Variants in NUP153 observed in about 807,000 individuals in gnomAD.
The protein encoded by NUP153 is nuclear pore complex protein Nup153.
A neutral mutation model predicts 134.6 loss-of-function variants in NUP153; 27 were observed. That is an observed-to-expected ratio of 0.20 (90% CI 0.15 to 0.28). NUP153 has a LOEUF of 0.28. Ranked by LOEUF, NUP153 falls within the 10% of genes least tolerant of loss-of-function variation. The probability of loss-of-function intolerance (pLI) is 1.00; values close to 1 mark genes in which losing one functional copy is unlikely to be tolerated. For missense variants in NUP153, 1,821 were observed against 1,731.3 expected (o/e 1.05, Z -0.92); for synonymous variants, 640 against 623.5 (o/e 1.03, Z -0.40).
At chr6:17,673,427 G>T (rs1373008165) in intron 5 of NUP153, among the ~76,000 whole-genome samples, 7 of 151,952 alleles carry the variant, frequency 4.6e-5, no homozygotes, top group African/African-American at 1.7e-4. Flanking sequence ...GAAAATATTC[G>T]CAAAACATAT....
chr6:17,624,755 A>G lies in NUP153; in HGVS notation c.3980T>C (p.Phe1327Ser), dbSNP rs1400502553. Residue 1327 changes from phenylalanine (F) to serine (S), a missense_variant, in exon 20 of 22, where the codon TTT becomes TCT. Physicochemically the swap from Phe to Ser is radical, Grantham distance 155 (BLOSUM62 -2). Transcript: ENST00000262077. Reference protein sequence around the residue: ...PAFGANQTPTFGQSQGASQPN... With the variant: ...PAFGANQTPTSGQSQGASQPN... Reference sequence around the variant, plus strand: ...CTGGCTGGCACCTTGACTTTGTCCAAATGTTGGGGTCTGGTTAGCACCAAA... The same window carrying G: ...CTGGCTGGCACCTTGACTTTGTCCAGATGTTGGGGTCTGGTTAGCACCAAA... 2 of 1,614,128 alleles carry G rather than the reference A, an allele frequency of 1.2e-6. No individual in the cohort carries two copies. Among genetic ancestry groups the G allele is most frequent in the South Asian group, 1.1e-5 (1 of 91,080 alleles).
At chr6:17,700,159 G>T (rs1769956249) in intron 1 of NUP153, among the ~76,000 whole-genome samples, 1 of 152,002 alleles carries the variant, frequency 6.6e-6, no homozygotes. Context: ...ACTAATTTGA[G>T]TAATAATAAA....
intron 11 of NUP153, among the ~76,000 whole-genome samples, chr6:17,659,036 G>A (rs1252732633): frequency 6.6e-6 from 1 of 152,134 alleles, no homozygotes; most frequent in Admixed American, 6.5e-5. Flanking sequence ...TTGGTCAACC[G>A]AAAGGGCCTA....
At chr6:17,665,850 A>G (rs771381948) in intron 8 of NUP153, among the ~76,000 whole-genome samples, 4 of 151,684 alleles carry the variant, frequency 2.6e-5, no homozygotes, top group African/African-American at 4.8e-5. Flanking sequence ...ACACCCGGCT[A>G]ATTTTTTTGG....
At chr6:17,663,330 C>T (rs760820564) in intron 9 of NUP153, among the ~76,000 whole-genome samples, 2 of 151,974 alleles carry the variant, frequency 1.3e-5, no homozygotes, top group Non-Finnish European at 2.9e-5. Flanking sequence ...GGTGCTATCA[C>T]AGTTCACTTT....
Position 17,629,121 on chromosome 6 carries a change from T to C in NUP153, c.3078A>G (p.Thr1026=), listed in dbSNP as rs1765098397. ...GAGCAGGGGTGGAGTTAATAACACC[T>C]GTACCAAAGCTAAAACCTGCAGAGG... ...KSSSAGFSFG[T]GVINSTPAPA... The change falls in exon 18 of 22, where the codon ACA becomes ACG. Residue 1026 remains threonine, a synonymous_variant. Transcript: ENST00000262077. 3 of 1,614,000 alleles carry C rather than the reference T, an allele frequency of 1.9e-6. No individual in the cohort carries two copies. Among genetic ancestry groups the C allele is most frequent in the East Asian group, 2.2e-5 (1 of 44,890 alleles).
intron 1 of NUP153, among the ~76,000 whole-genome samples, chr6:17,689,866 T>C (rs1769174285): frequency 6.6e-6 from 1 of 152,160 alleles, no homozygotes; most frequent in South Asian, 2.1e-4. Context: ...AGTAATGTGG[T>C]ATAATAGCTT....
chr6:17,667,510 C>A (rs1414681220), intron 8 of NUP153, among the ~76,000 whole-genome samples: 1 of 152,226 alleles, frequency 6.6e-6, no homozygotes, highest in Admixed American at 6.5e-5. Flanking sequence ...GTCAAGAGAT[C>A]AAGGCTACCC....
intron 2 of NUP153, among the ~76,000 whole-genome samples, chr6:17,681,957 A>G (rs1053128088): frequency 1.3e-5 from 2 of 152,080 alleles, no homozygotes; most frequent in Non-Finnish European, 2.9e-5. Context: ...CTATAATCCC[A>G]GCACTTTTAG....
chr6:17,684,854 T>G (rs1466604565), intron 2 of NUP153, among the ~76,000 whole-genome samples: 1 of 152,212 alleles, frequency 6.6e-6, no homozygotes, highest in African/African-American at 2.4e-5. Flanking sequence ...GAATAGCCAG[T>G]TGGTGGAGCA....
chr6:17,617,486 A>G (rs1031275069), intron 20 of NUP153, among the ~76,000 whole-genome samples: 92 of 149,672 alleles, frequency 6.1e-4, no homozygotes, highest in African/African-American at 2.1e-3. Flanking sequence ...AAAAAAAAAA[A>G]GGATGGCAGA....
At chr6:17,690,279 G>A (rs942652103) in intron 1 of NUP153, among the ~76,000 whole-genome samples, 1 of 152,210 alleles carries the variant, frequency 6.6e-6, no homozygotes, top group South Asian at 2.1e-4. Flanking sequence ...GTGAACCCGG[G>A]TGGCGTAGCT....
intron 11 of NUP153, among the ~76,000 whole-genome samples, chr6:17,659,217 C>T (rs74698967): frequency 2.0e-5 from 3 of 152,364 alleles, no homozygotes; most frequent in East Asian, 3.9e-4. Context: ...ACTTCCGCAA[C>T]AGCGGGATGC....
At chr6:17,646,561 G>A (rs1024694207) in intron 13 of NUP153, among the ~76,000 whole-genome samples, 1 of 152,080 alleles carries the variant, frequency 6.6e-6, no homozygotes, top group Non-Finnish European at 1.5e-5. Flanking sequence ...CCTATTTTAA[G>A]ATATAGTTTA....
intron 11 of NUP153, among the ~76,000 whole-genome samples, chr6:17,661,209 G>T (rs528647284): frequency 1.3e-5 from 2 of 152,198 alleles, no homozygotes; most frequent in African/African-American, 4.8e-5. Context: ...AGCTACTTGC[G>T]TGGCTGAGGC....
Position 17,654,367 on chromosome 6 carries a change from G to A in NUP153, c.1396-5067C>T, listed in dbSNP as rs139174374. On this transcript the variant is annotated intron_variant, in intron 11 of 21. Transcript: ENST00000262077. ...ACGGAGTTTCGATCTTGTTGCCCGG[G>A]CCGGACTGCAGTGGTGCGATCTTGG... Among the ~76,000 whole-genome samples the A allele has an allele frequency of 3.4e-3, 523 of 151,910 alleles. 3 individuals are homozygous for A. Among genetic ancestry groups the A allele is most frequent in the African/African-American group, 0.012 (491 of 41,420 alleles).
intron 1 of NUP153, among the ~76,000 whole-genome samples, chr6:17,698,418 C>T (rs116739115): frequency 0.019 from 2,932 of 152,114 alleles, 95 homozygotes; most frequent in African/African-American, 0.066. Flanking sequence ...ATGGCGAAAC[C>T]CTGTCTCTAC....
rs1289400264 is a variant in NUP153 at position 17,638,748 on chromosome 6, A to G, written c.1847-978T>C. Among the ~76,000 whole-genome samples, 1 of 152,250 alleles carries G rather than the reference A, an allele frequency of 6.6e-6. No individual in the cohort carries two copies. Among genetic ancestry groups the G allele is most frequent in the Non-Finnish European group, 1.5e-5 (1 of 68,040 alleles). On this transcript the variant is annotated intron_variant, in intron 15 of 21. Coordinates refer to ENST00000262077, the MANE Select transcript of NUP153 (RefSeq NM_005124.4). This position sits in a 1 kb window ranked among gnomAD's most constrained non-coding sequence, Gnocchi z 4.0. ...AGGGGGAGGTTGGCATCATGAATGC[A>G]AAGTGTAACCCCAGATACACAAGAC... is the stretch of plus-strand genomic sequence containing the variant.
intron 5 of NUP153, among the ~76,000 whole-genome samples, chr6:17,672,738 G>A (rs1767993349): frequency 6.6e-6 from 1 of 151,992 alleles, no homozygotes; most frequent in Non-Finnish European, 1.5e-5. Context: ...CAGAACTTTG[G>A]GAGGCTGAGG....
Sources: gnomAD v4.1 joint callset for allele counts (sites outside exome capture counted in the v4.1 genomes callset) on GRCh38, gnomAD v4.1.1 for gene constraint, Gnocchi (gnomAD v3.1) non-coding constraint, MANE v1.5 for transcripts, NCBI Gene and HGNC (gene_info 2026-07-23, HGNC 2026-07-21) for gene names.